The following LAMA2 variants were observed in gnomAD, a reference collection of about 807,000 sequenced individuals.
The protein encoded by LAMA2 is laminin subunit alpha-2.
In LAMA2, 269 loss-of-function variants were observed where a neutral mutation model predicts 364.8. The ratio of observed to expected loss-of-function variants is 0.74; its 90% CI spans 0.67 to 0.82. The LOEUF (loss-of-function observed/expected upper bound fraction) is 0.82, where lower values mean the gene tolerates loss of function less well. Among genes scored for constraint, LAMA2 ranks in the 40% least tolerant of loss-of-function variants. LAMA2 has a pLI of 0.00. For missense variants in LAMA2, 3,807 were observed against 3,873.2 expected, an observed-to-expected ratio of 0.98 and a Z score of 0.45; for synonymous variants, 1,379 against 1,370.6, an observed-to-expected ratio of 1.01 and a Z score of -0.14.
chr6:129,153,554 G>A (rs183732435), intron 7 of LAMA2, among the ~76,000 whole-genome samples: 28 of 152,300 alleles, frequency 1.8e-4, no homozygotes, highest in Admixed American at 3.3e-4. Context: ...AGACTCTGGA[G>A]TCTGGCTTCA....
At chr6:129,367,519 G>A (rs1049896512) in intron 33 of LAMA2, among the ~76,000 whole-genome samples, 7 of 152,196 alleles carry the variant, frequency 4.6e-5, no homozygotes, top group Non-Finnish European at 7.3e-5. Flanking sequence ...TACCATTACT[G>A]AGAGTATAAT....
chr6:128,962,429 T>A (rs757868595), intron 1 of LAMA2, among the ~76,000 whole-genome samples: 1 of 151,844 alleles, frequency 6.6e-6, no homozygotes, highest in Non-Finnish European at 1.5e-5. Context: ...TGAAACTCTT[T>A]AATTTTGTGT....
At chr6:129,389,565 G>A (rs929678966) in intron 35 of LAMA2, among the ~76,000 whole-genome samples, 4 of 152,030 alleles carry the variant, frequency 2.6e-5, no homozygotes, top group Non-Finnish European at 5.9e-5. Context: ...CTCTTCTCAC[G>A]CTGCTATAAA....
At chr6:129,335,068 A>G (rs1322399902) in intron 29 of LAMA2, among the ~76,000 whole-genome samples, 5 of 152,202 alleles carry the variant, frequency 3.3e-5, no homozygotes, top group African/African-American at 1.2e-4. Context: ...GTGCATAGGA[A>G]AGAAAACTGT....
intron 56 of LAMA2, among the ~76,000 whole-genome samples, chr6:129,487,733 T>A (rs1784661764): frequency 6.6e-6 from 1 of 152,180 alleles, no homozygotes; most frequent in Non-Finnish European, 1.5e-5. Flanking sequence ...AGGATTAGGC[T>A]GTAGGATGAA....
At position 129,492,243 on chromosome 6, in the gene LAMA2, CG is replaced by C. The variant is rs1784905144; in HGVS notation, c.8076-68del. On this transcript the variant is annotated intron_variant, in intron 57 of 64. Coordinates refer to ENST00000421865, the MANE Select transcript of LAMA2 (RefSeq NM_000426.4). ...ACACTAATGGACTTAAAAAGGCATG[CG>C]GGGATTGGGCTTAATTGTAAGGAAG... is the stretch of plus-strand genomic sequence containing the variant. 3 of 1,511,664 alleles carry C rather than the reference CG, an allele frequency of 2.0e-6. No homozygotes were observed. The Admixed American group carries it at 5.0e-5, about 25-fold the overall frequency. The allele number at this position is 1,511,664 out of a possible 1,614,324, so 93.6% of individuals were successfully genotyped here.
chr6:128,972,097 C>A (rs1782222123), intron 1 of LAMA2, among the ~76,000 whole-genome samples: 1 of 152,110 alleles, frequency 6.6e-6, no homozygotes, highest in East Asian at 1.9e-4. Flanking sequence ...GGGAGACCAG[C>A]CTGTTGGAAA....
intron 1 of LAMA2, among the ~76,000 whole-genome samples, chr6:129,010,566 T>A (rs1784705272): frequency 6.6e-6 from 1 of 152,220 alleles, no homozygotes; most frequent in Non-Finnish European, 1.5e-5. Flanking sequence ...AGGGAAAAGG[T>A]GACTCTAAGG....
intron 34 of LAMA2, among the ~76,000 whole-genome samples, chr6:129,372,891 G>T (rs1178578117): frequency 2.0e-5 from 3 of 152,160 alleles, no homozygotes; most frequent in Non-Finnish European, 4.4e-5. Context: ...ATTCCTTAAT[G>T]ACATATGATG....
At chr6:129,338,595 G>A (rs1776084182) in intron 29 of LAMA2, among the ~76,000 whole-genome samples, 1 of 151,880 alleles carries the variant, frequency 6.6e-6, no homozygotes, top group South Asian at 2.1e-4. Flanking sequence ...TTGAAATTTG[G>A]GCTTTTTCAT....
rs1293692384 is a variant in LAMA2, at chr6:129,144,090, G to C, written c.819+10G>C. On this transcript the variant is annotated intron_variant, in intron 5 of 64. Transcript: ENST00000421865. ...CATTGTCACCAGAAGAGTAAGTTAT[G>C]ATGAATCATATTAGAGCCTACAAAT... is the stretch of plus-strand genomic sequence containing the variant. 1.9e-6 allele frequency: 3 copies of C among 1,603,640 alleles called. No homozygotes were observed. The highest frequency in any genetic ancestry group is 1.3e-5 in the African/African-American group (1 of 74,632).
intron 1 of LAMA2, among the ~76,000 whole-genome samples, chr6:128,892,490 T>C (rs1355939763): frequency 6.6e-6 from 1 of 152,048 alleles, no homozygotes; most frequent in African/African-American, 2.4e-5. Context: ...CTTTAATACT[T>C]ATAATATGTT....
intron 40 of LAMA2, among the ~76,000 whole-genome samples, chr6:129,414,355 C>G (rs1424061254): frequency 1.3e-5 from 2 of 152,126 alleles, no homozygotes; most frequent in Non-Finnish European, 2.9e-5. Context: ...GCAAGCCCTA[C>G]AGAGGACAGT....
intron 1 of LAMA2, among the ~76,000 whole-genome samples, chr6:128,904,155 C>T (rs1273977274): frequency 6.6e-6 from 1 of 152,188 alleles, no homozygotes; most frequent in Non-Finnish European, 1.5e-5. Context: ...CTCACTAGGT[C>T]TTGTGCACCT....
rs2229849 is a variant in LAMA2 at position 129,486,554 on chromosome 6, G to C, written c.7830G>C (p.Val2610=). 0.7 allele frequency: 1,122,026 copies of C among 1,613,552 alleles called. 393,590 individuals carry two copies. Among genetic ancestry groups the C allele is most frequent in the Non-Finnish European group, 0.72 (849,244 of 1,179,706 alleles). ...STGARTMRKI[V]IRPEPNLFHD... ...GGGCACGAACAATGAGGAAAATTGTGATCAGACCAGAGCCGAATCTGTTTC... is the reference window on the plus strand; with the variant it reads ...GGGCACGAACAATGAGGAAAATTGTCATCAGACCAGAGCCGAATCTGTTTC... Residue 2610 remains valine, a synonymous_variant, in exon 56 of 65, where the codon GTG becomes GTC. Coordinates refer to ENST00000421865, the MANE Select transcript of LAMA2 (RefSeq NM_000426.4).
At chr6:129,192,211 C>CT (rs1308325616) in intron 11 of LAMA2, among the ~76,000 whole-genome samples, 1 of 152,172 alleles carries the variant, frequency 6.6e-6, no homozygotes, top group African/African-American at 2.4e-5. Context: ...TAGTTTCTTT[C>CT]TTTTTCCCTC....
intron 3 of LAMA2, among the ~76,000 whole-genome samples, chr6:129,093,211 G>A (rs552425828): frequency 1.3e-5 from 2 of 150,896 alleles, no homozygotes; most frequent in South Asian, 2.1e-4. Flanking sequence ...GGCTGGTCTC[G>A]AACTCCTGAC....
intron 4 of LAMA2, among the ~76,000 whole-genome samples, chr6:129,103,239 A>G (rs1051862655): frequency 6.6e-6 from 1 of 152,196 alleles, no homozygotes; most frequent in Non-Finnish European, 1.5e-5. Context: ...GAGAGTGTTG[A>G]CTCTTACTGT....
intron 58 of LAMA2, among the ~76,000 whole-genome samples, chr6:129,501,851 G>GTT (rs1235900870): frequency 6.6e-6 from 1 of 152,178 alleles, no homozygotes; most frequent in East Asian, 1.9e-4. Flanking sequence ...GGAGCTGTGT[G>GTT]TTATGGTAGC....
Sources: allele counts gnomAD v4.1 joint callset (sites outside exome capture counted in the v4.1 genomes callset), GRCh38; gene constraint gnomAD v4.1.1; transcripts MANE v1.5; gene names NCBI Gene and HGNC (gene_info 2026-07-23, HGNC 2026-07-21).